HRH1: variants seen among roughly 807,000 people sequenced by gnomAD.
The protein encoded by HRH1 is histamine receptor H1, also known as histamine H1 receptor.
Under a neutral mutation model 10.3 loss-of-function variants are expected in HRH1, and 6 were observed. That is an observed-to-expected ratio of 0.58 (90% CI 0.32 to 1.15). The LOEUF is 1.15. Among genes scored for constraint, HRH1 ranks in the 50% most tolerant of loss-of-function variants. The pLI is 0.05. For missense variants in HRH1, 514 were observed against 615.3 expected, an observed-to-expected ratio of 0.84 and a Z score of 1.74; for synonymous variants, 242 against 236.7, an observed-to-expected ratio of 1.02 and a Z score of -0.21.
At position 11,207,286 on chromosome 3, in the gene HRH1, T is replaced by C. The variant is rs199922445; in HGVS notation, c.-35-51717T>C. ...GTCCTAGAAACAGGCTGACCTGGGCTGGGCACGGTGTCCCACGCCTGTAAT... is the reference window on the plus strand; with the variant it reads ...GTCCTAGAAACAGGCTGACCTGGGCCGGGCACGGTGTCCCACGCCTGTAAT... On this transcript the variant is annotated intron_variant, in intron 1 of 1. Transcript: ENST00000431010. 8.5e-5 allele frequency among the ~76,000 whole-genome samples: 13 copies of C among 152,064 alleles called. 1 individual carries two copies. In the South Asian group the frequency reaches 1.9e-3, roughly 22 times the overall value.
At chr3:11,193,814 A>C (rs190767612) in intron 1 of HRH1, among the ~76,000 whole-genome samples, 15 of 152,340 alleles carry the variant, frequency 9.8e-5, no homozygotes, top group Non-Finnish European at 1.5e-5. Flanking sequence ...GTGTAAGAGC[A>C]CTAATCCCAT....
intron 1 of HRH1, among the ~76,000 whole-genome samples, chr3:11,237,897 C>T (rs919330025): frequency 6.6e-6 from 1 of 151,924 alleles, no homozygotes; most frequent in African/African-American, 2.4e-5. Flanking sequence ...AGGGTGGTCT[C>T]GAACTCCTGA....
intron 1 of HRH1, among the ~76,000 whole-genome samples, chr3:11,147,429 C>T (rs1412285247): frequency 6.6e-6 from 1 of 152,198 alleles, no homozygotes; most frequent in Non-Finnish European, 1.5e-5. Flanking sequence ...TAGATAAGCA[C>T]ATGACAGTCA....
intron 1 of HRH1, among the ~76,000 whole-genome samples, chr3:11,190,004 T>A (rs932688196): frequency 2.0e-5 from 3 of 151,862 alleles, no homozygotes. Flanking sequence ...GCAGGAAATG[T>A]GGAGGAGAGG....
intron 1 of HRH1, among the ~76,000 whole-genome samples, chr3:11,242,630 A>C (rs572285671): frequency 1.3e-5 from 2 of 152,050 alleles, no homozygotes; most frequent in Non-Finnish European, 2.9e-5. Flanking sequence ...CCCAAATGCC[A>C]GCTCATTTCT....
chr3:11,165,046 G>T (rs1344169430), intron 1 of HRH1, among the ~76,000 whole-genome samples: 1 of 152,198 alleles, frequency 6.6e-6, no homozygotes, highest in Non-Finnish European at 1.5e-5. Flanking sequence ...GAAGACAGCT[G>T]CTAGGCCAGT....
intron 1 of HRH1, among the ~76,000 whole-genome samples, chr3:11,234,938 G>A (rs575197434): frequency 6.6e-6 from 1 of 152,030 alleles, no homozygotes; most frequent in Non-Finnish European, 1.5e-5. Context: ...TGTTTTGGCC[G>A]GGTACGGTGG....
At chr3:11,144,779 C>A (rs559031685) in intron 1 of HRH1, among the ~76,000 whole-genome samples, 2 of 151,978 alleles carry the variant, frequency 1.3e-5, no homozygotes, top group South Asian at 4.2e-4. Context: ...GTAGCTCTTC[C>A]TGAATTGCTT....
At chr3:11,186,033 C>G (rs1267235035) in intron 1 of HRH1, among the ~76,000 whole-genome samples, 1 of 152,254 alleles carries the variant, frequency 6.6e-6, no homozygotes, top group East Asian at 1.9e-4. Flanking sequence ...TCCTGCTCTG[C>G]CGAGAATTCC....
chr3:11,241,061 G>A (rs1437467772), intron 1 of HRH1, among the ~76,000 whole-genome samples: 1 of 152,094 alleles, frequency 6.6e-6, no homozygotes, highest in African/African-American at 2.4e-5. Context: ...TTTTATTGAA[G>A]GAATCTATAT....
chr3:11,215,854 A>T (rs1938474580), intron 1 of HRH1, among the ~76,000 whole-genome samples: 1 of 152,130 alleles, frequency 6.6e-6, no homozygotes, highest in Non-Finnish European at 1.5e-5. Flanking sequence ...TTGTCTTTTT[A>T]CTAAAACTAT....
At chr3:11,198,090 T>C (rs1937740901) in intron 1 of HRH1, among the ~76,000 whole-genome samples, 2 of 152,178 alleles carry the variant, frequency 1.3e-5, no homozygotes, top group Non-Finnish European at 2.9e-5. Flanking sequence ...CTACCTCCTT[T>C]CACTAGCTTT....
chr3:11,237,337 C>T (rs1939207893), intron 1 of HRH1, among the ~76,000 whole-genome samples: 1 of 152,148 alleles, frequency 6.6e-6, no homozygotes, highest in South Asian at 2.1e-4. Context: ...ATTTATTTCC[C>T]TCTCTTCACA....
At chr3:11,155,875 C>T (rs983149998) in intron 1 of HRH1, among the ~76,000 whole-genome samples, 63 of 152,170 alleles carry the variant, frequency 4.1e-4, no homozygotes, top group African/African-American at 1.5e-3. Flanking sequence ...TATCCCATCA[C>T]AGCATTCTTG....
chr3:11,243,655 C>A (rs558773503), intron 1 of HRH1, among the ~76,000 whole-genome samples: 1 of 152,338 alleles, frequency 6.6e-6, no homozygotes, highest in East Asian at 1.9e-4. Context: ...CTCCCAATTC[C>A]TCAAACTCAG....
At chr3:11,253,435 G>A (rs925169074) in intron 1 of HRH1, among the ~76,000 whole-genome samples, 41 of 152,164 alleles carry the variant, frequency 2.7e-4, no homozygotes, top group African/African-American at 8.0e-4. Flanking sequence ...GTAATATCTC[G>A]CCAGCTATTG....
At chr3:11,202,435 T>TA (rs1553573781) in intron 1 of HRH1, among the ~76,000 whole-genome samples, 104,967 of 135,936 alleles carry the variant, frequency 0.77, 39,916 homozygotes, top group African/African-American at 0.87. Context: ...AATAAATAAA[T>TA]AATTAATTAA....
At chr3:11,139,949 T>C (rs1433452173) in intron 1 of HRH1, among the ~76,000 whole-genome samples, 5 of 152,232 alleles carry the variant, frequency 3.3e-5, no homozygotes. Flanking sequence ...CTTTATACTT[T>C]AAAGTGGTTT....
upstream of HRH1, among the ~76,000 whole-genome samples, chr3:11,152,124 T>C (rs754055595): frequency 3.9e-5 from 6 of 152,140 alleles, no homozygotes; most frequent in Non-Finnish European, 7.3e-5. Context: ...CTGAACAAAC[T>C]CCTTCATCTC....
Sources: allele counts gnomAD v4.1 joint callset (sites outside exome capture counted in the v4.1 genomes callset), GRCh38; gene constraint gnomAD v4.1.1; transcripts MANE v1.5; gene names NCBI Gene and HGNC (gene_info 2026-07-23, HGNC 2026-07-21).